The following PLCXD3 variants were observed in gnomAD, a reference collection of about 807,000 sequenced individuals.
PLCXD3 encodes the protein phosphatidylinositol specific phospholipase C X domain containing 3, also known as PI-PLC X domain-containing protein 3.
In PLCXD3, 19 loss-of-function variants were observed where a neutral mutation model predicts 25.5. The ratio of observed to expected loss-of-function variants is 0.75; its 90% CI spans 0.52 to 1.09. The LOEUF is 1.09. Among genes scored for constraint, PLCXD3 ranks in the 50% least tolerant of loss-of-function variants. The pLI is 0.00. For missense variants in PLCXD3, 411 were observed against 388.1 expected, an observed-to-expected ratio of 1.06 and a Z score of -0.50; for synonymous variants, 174 against 137.6, an observed-to-expected ratio of 1.26 and a Z score of -1.85.
At chr5:41,435,467 C>T (rs1171074664) in intron 1 of PLCXD3, among the ~76,000 whole-genome samples, 1 of 152,178 alleles carries the variant, frequency 6.6e-6, no homozygotes, top group Admixed American at 6.5e-5. Context: ...CCCACATGGA[C>T]ACTGGCAGCT....
chr5:41,339,079 A>G (rs1744062617), intron 2 of PLCXD3, among the ~76,000 whole-genome samples: 1 of 152,086 alleles, frequency 6.6e-6, no homozygotes, highest in Non-Finnish European at 1.5e-5. Flanking sequence ...GGTATTAGGC[A>G]GTATTAGAGG....
intron 1 of PLCXD3, among the ~76,000 whole-genome samples, chr5:41,420,120 G>C (rs1746785783): frequency 6.6e-6 from 1 of 152,042 alleles, no homozygotes; most frequent in South Asian, 2.1e-4. Context: ...TATAAATAAA[G>C]ACAATGATTG....
chr5:41,322,610 A>G (rs914014295), intron 2 of PLCXD3, among the ~76,000 whole-genome samples: 1 of 152,230 alleles, frequency 6.6e-6, no homozygotes, highest in African/African-American at 2.4e-5. Context: ...CTGCACTCCT[A>G]TGTTTGTTGC....
chr5:41,359,668 G>T (rs1443833069), intron 2 of PLCXD3, among the ~76,000 whole-genome samples: 1 of 152,048 alleles, frequency 6.6e-6, no homozygotes, highest in Non-Finnish European at 1.5e-5. Context: ...TCTTTTCAAA[G>T]AATCAGCTTT....
intron 1 of PLCXD3, among the ~76,000 whole-genome samples, chr5:41,478,386 T>A (rs1161251085): frequency 6.6e-6 from 1 of 152,212 alleles, no homozygotes; most frequent in Non-Finnish European, 1.5e-5. Context: ...GAACATATAA[T>A]CATACAGAGT....
chr5:41,355,419 A>G (rs771097724), intron 2 of PLCXD3, among the ~76,000 whole-genome samples: 5 of 152,346 alleles, frequency 3.3e-5, no homozygotes, highest in African/African-American at 4.8e-5. Flanking sequence ...TTTCTAGGCA[A>G]TAAGTACTTG....
chr5:41,397,571 C>A (rs541437486), intron 1 of PLCXD3, among the ~76,000 whole-genome samples: 1 of 152,162 alleles, frequency 6.6e-6, no homozygotes, highest in African/African-American at 2.4e-5. Context: ...GTTGGAGCCA[C>A]GACACAGAGT....
At chr5:41,333,521 G>A (rs1392763529) in intron 2 of PLCXD3, among the ~76,000 whole-genome samples, 1 of 152,098 alleles carries the variant, frequency 6.6e-6, no homozygotes, top group Non-Finnish European at 1.5e-5. Flanking sequence ...ACAAATGTGT[G>A]TCATAAATCA....
At chr5:41,377,365 A>G (rs1399242898) in intron 2 of PLCXD3, among the ~76,000 whole-genome samples, 4 of 151,940 alleles carry the variant, frequency 2.6e-5, no homozygotes, top group African/African-American at 9.7e-5. Flanking sequence ...TGGCCTGTAC[A>G]AATATGGTCT....
Position 41,390,823 on chromosome 5 carries a change from A to G in PLCXD3, c.104-8289T>C, listed in dbSNP as rs548101076. Reference sequence around the variant, plus strand: ...CTGAGAGAGGCTCTGAAGAGATAGAAAAAGCAGTGCTGAATGGCTGACGCC... The same window carrying G: ...CTGAGAGAGGCTCTGAAGAGATAGAGAAAGCAGTGCTGAATGGCTGACGCC... On this transcript the variant is annotated intron_variant, in intron 1 of 2. Coordinates refer to ENST00000377801, the MANE Select transcript of PLCXD3 (RefSeq NM_001005473.3). Among the ~76,000 whole-genome samples the G allele has an allele frequency of 7.9e-5, 12 of 152,318 alleles. No homozygotes were observed. The South Asian group carries it at 2.5e-3, about 32-fold the overall frequency.
intron 1 of PLCXD3, among the ~76,000 whole-genome samples, chr5:41,410,447 C>A (rs1746486144): frequency 6.6e-6 from 1 of 151,902 alleles, no homozygotes; most frequent in African/African-American, 2.4e-5. Context: ...CCGTCCCCCG[C>A]CCCCCAGCTC....
chr5:41,392,890 G>A (rs992509136), intron 1 of PLCXD3, among the ~76,000 whole-genome samples: 2 of 152,146 alleles, frequency 1.3e-5, no homozygotes, highest in African/African-American at 4.8e-5. Context: ...GAATCCAGCT[G>A]AAATTCTGAA....
At position 41,490,849 on chromosome 5, in the gene PLCXD3, A is replaced by C. The variant is rs1340889480; in HGVS notation, c.103+19575T>G. Among the ~76,000 whole-genome samples the C allele has an allele frequency of 2.0e-3, 303 of 152,032 alleles. 1 individual carries two copies. The highest frequency in any genetic ancestry group is 7.1e-3 in the African/African-American group (296 of 41,486). On this transcript the variant is annotated intron_variant, in intron 1 of 2. Coordinates refer to ENST00000377801, the MANE Select transcript of PLCXD3 (RefSeq NM_001005473.3). ...TTTTCTTCTTTATTAGTCTTGCTAG[A>C]AGTCTATCAATTTTGTTGATCCTTT... is the stretch of plus-strand genomic sequence containing the variant.
At chr5:41,412,643 A>T (rs897668493) in intron 1 of PLCXD3, among the ~76,000 whole-genome samples, 1 of 152,178 alleles carries the variant, frequency 6.6e-6, no homozygotes, top group Non-Finnish European at 1.5e-5. Flanking sequence ...TCCGCCTCAG[A>T]AAACAGGCAT....
intron 2 of PLCXD3, among the ~76,000 whole-genome samples, chr5:41,347,307 C>A (rs1056437082): frequency 3.3e-5 from 5 of 152,130 alleles, no homozygotes; most frequent in South Asian, 2.1e-4. Flanking sequence ...GAAAAAAATT[C>A]TTTACCTATT....
At chr5:41,396,413 C>A (rs1385066167) in intron 1 of PLCXD3, among the ~76,000 whole-genome samples, 1 of 152,162 alleles carries the variant, frequency 6.6e-6, no homozygotes, top group African/African-American at 2.4e-5. Context: ...CCTGAGGCCT[C>A]TCAGCCATGC....
intron 2 of PLCXD3, among the ~76,000 whole-genome samples, chr5:41,378,429 A>G (rs1449494462): frequency 1.3e-5 from 2 of 152,148 alleles, no homozygotes; most frequent in Non-Finnish European, 2.9e-5. Context: ...AGTAATTTTC[A>G]TAATCCTATA....
chr5:41,390,011 T>C (rs1401663095), intron 1 of PLCXD3, among the ~76,000 whole-genome samples: 2 of 152,104 alleles, frequency 1.3e-5, no homozygotes, highest in East Asian at 3.9e-4. Context: ...ATTCCTCCTA[T>C]CCACCCCAAG....
At chr5:41,451,267 CA>C (rs1382576819) in intron 1 of PLCXD3, among the ~76,000 whole-genome samples, 2 of 151,932 alleles carry the variant, frequency 1.3e-5, no homozygotes, top group African/African-American at 4.8e-5. Flanking sequence ...TCCTGAAGTA[CA>C]AAAGTAGAAT....
Sources: gnomAD v4.1 joint callset for allele counts (sites outside exome capture counted in the v4.1 genomes callset) on GRCh38, gnomAD v4.1.1 for gene constraint, MANE v1.5 for transcripts, NCBI Gene and HGNC (gene_info 2026-07-23, HGNC 2026-07-21) for gene names.